KALRN: variants seen among roughly 807,000 people sequenced by gnomAD.
KALRN encodes kalirin RhoGEF kinase.
A neutral mutation model predicts 353.7 loss-of-function variants in KALRN; 70 were observed. That is an observed-to-expected ratio of 0.20 (90% CI 0.16 to 0.24). The LOEUF (loss-of-function observed/expected upper bound fraction) is 0.24, where lower values mean the gene tolerates loss of function less well. Among genes scored for constraint, KALRN ranks in the 10% least tolerant of loss-of-function variants. The pLI, the probability that KALRN is intolerant of heterozygous loss-of-function variation, is 1.00. For synonymous variants in KALRN, 1,391 were observed against 1,434.8 expected, an observed-to-expected ratio of 0.97 and a Z score of 0.69; for missense variants, 2,791 against 3,756.7, an observed-to-expected ratio of 0.74 and a Z score of 6.72.
intron 12 of KALRN, among the ~76,000 whole-genome samples, chr3:124,397,222 A>G (rs1352967171): frequency 6.6e-6 from 1 of 152,202 alleles, no homozygotes; most frequent in African/African-American, 2.4e-5. Context: ...AACAGATAGC[A>G]CTGAGTACAT....
chr3:124,110,548 C>T (rs2062865595), intron 1 of KALRN, among the ~76,000 whole-genome samples: 1 of 151,708 alleles, frequency 6.6e-6, no homozygotes, highest in South Asian at 2.1e-4. Flanking sequence ...TCTGCTATTC[C>T]TGATGATCCT....
In KALRN at chr3:124,488,197, T is replaced by C. The variant is rs765922073; in HGVS notation, c.4285-7T>C. 1 of 1,602,880 alleles carries C rather than the reference T, an allele frequency of 6.2e-7. No homozygotes were observed. The highest frequency in any genetic ancestry group is 1.1e-5 in the South Asian group (1 of 90,458). ...CCCTAATTATGTCCGGACTTTTTTT[T>C]CCCCAGGAACTTTTAACTTGCTGTG... is the stretch of plus-strand genomic sequence containing the variant. On this transcript the variant is annotated splice_polypyrimidine_tract_variant and splice_region_variant and intron_variant, in intron 28 of 59. Coordinates refer to ENST00000682506, the MANE Select transcript of KALRN (RefSeq NM_001388419.1).
chr3:124,376,301 C>T lies in KALRN; in HGVS notation c.1771-8544C>T, dbSNP rs374665149. On this transcript the variant is annotated intron_variant, in intron 10 of 59. Coordinates refer to ENST00000682506, the MANE Select transcript of KALRN (RefSeq NM_001388419.1). Reference sequence around the variant, plus strand: ...TCTTTAGGGTACTCCTTAGACACTTCTTATTTGGACATAAAGTTGTTCTAA... The same window carrying T: ...TCTTTAGGGTACTCCTTAGACACTTTTTATTTGGACATAAAGTTGTTCTAA... Among the ~76,000 whole-genome samples, 47 of 152,270 alleles carry T rather than the reference C, an allele frequency of 3.1e-4. 2 individuals are homozygous for T. The South Asian group carries it at 9.5e-3, about 31-fold the overall frequency.
rs10549005 is a variant in KALRN at position 124,662,193 on chromosome 3, CTTTTTT to C, written c.6345+286_6345+291del. Among the ~76,000 whole-genome samples the C allele has an allele frequency of 8.6e-3, 837 of 96,814 alleles. 7 individuals carry two copies. The highest frequency in any genetic ancestry group is 0.012 in the Non-Finnish European group (607 of 51,418). The allele number at this position is 96,814 out of a possible 152,430, so 63.5% of individuals were successfully genotyped here. On this transcript the variant is annotated intron_variant, in intron 45 of 59. Coordinates refer to ENST00000682506, the MANE Select transcript of KALRN (RefSeq NM_001388419.1). ...AAGGAGATTGGAAAGACCCAGAATT[CTTTTTT>C]TTTTTTTTTTTTTTTTTTTTGAGAC...
In KALRN at chr3:124,355,709, C is replaced by CTTTTTTTTTTTT. The variant is rs3055894; in HGVS notation, c.1770+8457_1770+8468dup. 6.6e-4 allele frequency among the ~76,000 whole-genome samples: 64 copies of CTTTTTTTTTTTT among 97,412 alleles called. 4 individuals carry two copies. The highest frequency in any genetic ancestry group is 2.2e-3 in the African/African-American group (54 of 24,760). 63.9% of individuals were successfully genotyped at this position (97,412 alleles called of 152,430 possible). A position where few individuals can be genotyped will look rare whatever the true frequency, so the allele number is the denominator to read the frequency against. ...TTAAACACCCTCAACTCTCTCCCAT[C>CTTTTTTTTTTTT]TTTTTTTTTTTTTTTTTTTTTTTTG... is the stretch of plus-strand genomic sequence containing the variant. On this transcript the variant is annotated intron_variant, in intron 10 of 59. Transcript: ENST00000682506.
intron 1 of KALRN, among the ~76,000 whole-genome samples, chr3:124,093,443 G>T (rs2061243358): frequency 6.6e-6 from 1 of 152,228 alleles, no homozygotes; most frequent in Admixed American, 6.5e-5. Flanking sequence ...GACTCCTCAG[G>T]TTTCATTTCA....
chr3:124,455,018 G>T, intron 21 of KALRN, 159 bp from the exon 22 acceptor site: 1 of 665,484 alleles, frequency 1.5e-6, no homozygotes. Context: ...TCAATAACTT[G>T]CTCGAGATCT....
At chr3:124,462,202 C>T (rs1197102598) in intron 24 of KALRN, among the ~76,000 whole-genome samples, 2 of 152,156 alleles carry the variant, frequency 1.3e-5, no homozygotes, top group Admixed American at 1.3e-4. Context: ...GTGTGTAAGG[C>T]ACTTCAATTC....
At chr3:124,422,736 T>C (rs2092836813) in intron 14 of KALRN, 76 bp from the exon 15 acceptor site, 6 of 1,219,874 alleles carry the variant, frequency 4.9e-6, no homozygotes, top group Non-Finnish European at 7.0e-6. Context: ...ATTCCAGTTT[T>C]CTTATGCATA....
intron 1 of KALRN, among the ~76,000 whole-genome samples, chr3:124,065,172 G>C (rs2042255072): frequency 6.6e-6 from 1 of 152,172 alleles, no homozygotes; most frequent in East Asian, 1.9e-4. Flanking sequence ...TATTTTCAAA[G>C]ACTAAGAAGG....
intron 1 of KALRN, among the ~76,000 whole-genome samples, chr3:124,188,846 C>T (rs1048433835): frequency 6.6e-6 from 1 of 152,160 alleles, no homozygotes; most frequent in African/African-American, 2.4e-5. Flanking sequence ...TATTTGTATT[C>T]GTACTTCTTA....
intron 1 of KALRN, among the ~76,000 whole-genome samples, chr3:124,187,997 A>T (rs989566697): frequency 5.3e-5 from 8 of 152,296 alleles, no homozygotes; most frequent in African/African-American, 7.2e-5. Context: ...GAAACATTTT[A>T]AAAAACCCCA....
chr3:124,687,451 G>A (rs559696740), intron 51 of KALRN, among the ~76,000 whole-genome samples: 3 of 152,104 alleles, frequency 2.0e-5, no homozygotes, highest in Admixed American at 1.3e-4. Flanking sequence ...TGTGAGATGG[G>A]TGATAGATGC....
chr3:124,561,858 T>TA (rs2072063287), intron 33 of KALRN, among the ~76,000 whole-genome samples: 2 of 152,218 alleles, frequency 1.3e-5, no homozygotes, highest in Non-Finnish European at 2.9e-5. Context: ...AGAGGGAGAC[T>TA]GTACTTAGTT....
intron 1 of KALRN, among the ~76,000 whole-genome samples, chr3:124,063,164 G>A (rs2042100263): frequency 6.6e-6 from 1 of 152,170 alleles, no homozygotes; most frequent in South Asian, 2.1e-4. Context: ...GGAGAGAAGA[G>A]CATGGAGGTG....
At chr3:124,294,388 T>C (rs2076668830) in intron 5 of KALRN, among the ~76,000 whole-genome samples, 1 of 152,088 alleles carries the variant, frequency 6.6e-6, no homozygotes, top group Non-Finnish European at 1.5e-5. Context: ...TTTTCCTGCC[T>C]GGGAAGTGGG....
intron 5 of KALRN, among the ~76,000 whole-genome samples, chr3:124,281,986 G>T (rs1376544305): frequency 3.3e-5 from 5 of 152,206 alleles, no homozygotes; most frequent in African/African-American, 7.2e-5. Flanking sequence ...TGGGGTGTTA[G>T]CAAGTTTCAC....
chr3:124,376,629 C>T (rs1227761841), intron 10 of KALRN, among the ~76,000 whole-genome samples: 4 of 152,154 alleles, frequency 2.6e-5, no homozygotes, highest in Non-Finnish European at 5.9e-5. Context: ...TATTTTAAAC[C>T]TATTATGTGC....
At chr3:124,293,051 G>A (rs1334463702) in intron 5 of KALRN, among the ~76,000 whole-genome samples, 1 of 152,196 alleles carries the variant, frequency 6.6e-6, no homozygotes, top group African/African-American at 2.4e-5. Flanking sequence ...GGAATTGACT[G>A]GGCGGCTAGT....
Sources: allele counts gnomAD v4.1 joint callset (sites outside exome capture counted in the v4.1 genomes callset), GRCh38; gene constraint gnomAD v4.1.1; transcripts MANE v1.5; gene names NCBI Gene and HGNC (gene_info 2026-07-23, HGNC 2026-07-21).